The following SLC9A9 variants were observed in gnomAD, a reference collection of about 807,000 sequenced individuals.
The protein encoded by SLC9A9 is sodium/hydrogen exchanger 9.
Under a neutral mutation model 77.8 loss-of-function variants are expected in SLC9A9, and 62 were observed. The observed-to-expected ratio is 0.80, with a 90% confidence interval of 0.65 to 0.98. The LOEUF (loss-of-function observed/expected upper bound fraction) is 0.98, where lower values mean the gene tolerates loss of function less well. Ranked by LOEUF, SLC9A9 falls within the 50% of genes least tolerant of loss-of-function variation. The pLI is 0.00. For missense variants in SLC9A9, 775 were observed against 774.9 expected (o/e 1.00, Z 0.00); for synonymous variants, 320 against 283.5 (o/e 1.13, Z -1.29).
intron 5 of SLC9A9, among the ~76,000 whole-genome samples, chr3:143,656,763 A>G (rs2038896838): frequency 6.6e-6 from 1 of 152,204 alleles, no homozygotes; most frequent in South Asian, 2.1e-4. Context: ...TTTTCTGTGC[A>G]AATCACTATG....
intron 5 of SLC9A9, among the ~76,000 whole-genome samples, chr3:143,674,406 T>G (rs977183438): frequency 6.6e-6 from 1 of 152,168 alleles, no homozygotes; most frequent in African/African-American, 2.4e-5. Flanking sequence ...TGGGATTAGT[T>G]TATGAGACAT....
At chr3:143,363,658 T>A in intron 13 of SLC9A9, 95 bp from the exon 14 acceptor site, 6 of 1,151,304 alleles carry the variant, frequency 5.2e-6, no homozygotes, top group African/African-American at 3.1e-5. Flanking sequence ...TAACTACATT[T>A]AAAAAAAACC....
At chr3:143,531,610 T>TATGTGGGTG (rs1213967746) in intron 9 of SLC9A9, among the ~76,000 whole-genome samples, 32 of 152,214 alleles carry the variant, frequency 2.1e-4, no homozygotes, top group Non-Finnish European at 3.8e-4. Context: ...TATAATACAA[T>TATGTGGGTG]ATGTGGGTGT....
chr3:143,591,457 T>C (rs1037844506), intron 6 of SLC9A9, among the ~76,000 whole-genome samples: 3 of 152,256 alleles, frequency 2.0e-5, no homozygotes, highest in African/African-American at 7.2e-5. Context: ...CTTATATGTT[T>C]CTAGGCGTTG....
intron 5 of SLC9A9, among the ~76,000 whole-genome samples, chr3:143,686,637 C>A (rs1933275130): frequency 6.6e-6 from 1 of 152,066 alleles, no homozygotes; most frequent in Non-Finnish European, 1.5e-5. Context: ...TTAAGGACTC[C>A]CCTCTTTATC....
chr3:143,505,106 T>C (rs2035989571), intron 9 of SLC9A9, among the ~76,000 whole-genome samples: 1 of 152,094 alleles, frequency 6.6e-6, no homozygotes, highest in South Asian at 2.1e-4. Context: ...GGTAAATTTC[T>C]TTGTACCCAA....
chr3:143,613,366 C>T lies in SLC9A9; in HGVS notation c.756-34643G>A, dbSNP rs543336626. ...AAAGAAAATTAAGACTGTTGTGAAA[C>T]AGTCTGTGACTTTTATATGTTTAAA... On this transcript the variant is annotated intron_variant, in intron 6 of 15. Coordinates refer to ENST00000316549, the MANE Select transcript of SLC9A9 (RefSeq NM_173653.4). Among the ~76,000 whole-genome samples, 7 of 152,250 alleles carry T rather than the reference C, an allele frequency of 4.6e-5. No individual in the cohort carries two copies. The East Asian group carries it at 1.3e-3, about 29-fold the overall frequency.
At chr3:143,667,319 C>T (rs1433901503) in intron 5 of SLC9A9, among the ~76,000 whole-genome samples, 2 of 152,244 alleles carry the variant, frequency 1.3e-5, no homozygotes, top group Non-Finnish European at 1.5e-5. Flanking sequence ...ACACCTTATA[C>T]AAAAATTAAT....
intron 4 of SLC9A9, among the ~76,000 whole-genome samples, chr3:143,705,040 T>TATCTATCTATATAG (rs1553782489): frequency 1.9e-4 from 10 of 52,650 alleles, no homozygotes; most frequent in East Asian, 2.5e-4. Context: ...TCTATCTATC[T>TATCTATCTATATAG]ATATAGATAT....
chr3:143,709,171 A>G (rs953482293), intron 4 of SLC9A9, among the ~76,000 whole-genome samples: 7 of 152,214 alleles, frequency 4.6e-5, no homozygotes, highest in Admixed American at 4.6e-4. Context: ...GCTATATTGT[A>G]TAATTTAGTG....
At chr3:143,611,467 C>T (rs950225945) in intron 6 of SLC9A9, among the ~76,000 whole-genome samples, 1 of 152,090 alleles carries the variant, frequency 6.6e-6, no homozygotes, top group Non-Finnish European at 1.5e-5. Context: ...ATACCAGACA[C>T]ATTATTGTGA....
chr3:143,827,807 AC>A (rs1343628549), intron 2 of SLC9A9, among the ~76,000 whole-genome samples: 1 of 152,256 alleles, frequency 6.6e-6, no homozygotes, highest in African/African-American at 2.4e-5. Context: ...ACTTTTAGAA[AC>A]AAAGGCAAAA....
chr3:143,297,530 T>C (rs1278032862), intron 14 of SLC9A9, among the ~76,000 whole-genome samples: 1 of 152,224 alleles, frequency 6.6e-6, no homozygotes, highest in African/African-American at 2.4e-5. Flanking sequence ...TCTTTTGTGG[T>C]TCCATATGAA....
rs539746883 is a variant in SLC9A9 at position 143,596,069 on chromosome 3, C to T, written c.756-17346G>A. 5.3e-5 allele frequency among the ~76,000 whole-genome samples: 8 copies of T among 152,152 alleles called. No homozygotes were observed. In the East Asian group the frequency reaches 5.8e-4, roughly 11 times the overall value. ...TATAGCCTAGGGCAAAAACTTTCTC[C>T]GTGGGCTTCTCTATGTCGTCTGAGT... On this transcript the variant is annotated intron_variant, in intron 6 of 15. Transcript: ENST00000316549.
chr3:143,663,942 A>G (rs1259029340), intron 5 of SLC9A9, among the ~76,000 whole-genome samples: 1 of 152,190 alleles, frequency 6.6e-6, no homozygotes, highest in East Asian at 1.9e-4. Flanking sequence ...CCAGTCTAGC[A>G]AGGCAGGCCA....
intron 5 of SLC9A9, among the ~76,000 whole-genome samples, chr3:143,691,334 G>T (rs1042143140): frequency 1.9e-4 from 29 of 151,946 alleles, no homozygotes; most frequent in Admixed American, 1.8e-3. Context: ...CCTCCCATAG[G>T]GTTGGGTTTA....
intron 5 of SLC9A9, among the ~76,000 whole-genome samples, chr3:143,675,165 A>G (rs2039218027): frequency 6.6e-6 from 1 of 152,218 alleles, no homozygotes. Flanking sequence ...TATTAGGCAA[A>G]TAAGGCCTAG....
chr3:143,659,254 TCACCAAAAAAAATCAAA>T (rs554664977), intron 5 of SLC9A9, among the ~76,000 whole-genome samples: 51 of 151,904 alleles, frequency 3.4e-4, no homozygotes, highest in African/African-American at 1.2e-3. Context: ...TTAGGATGGG[TCACCAAAAAAAATCAAA>T]CACCAAAAAA....
chr3:143,268,424 T>TGA (rs1300189771), intron 15 of SLC9A9, among the ~76,000 whole-genome samples: 3 of 152,092 alleles, frequency 2.0e-5, no homozygotes, highest in Non-Finnish European at 4.4e-5. Flanking sequence ...CCTAGTGCAG[T>TGA]GAATTTTTAA....
Sources: gnomAD v4.1 joint callset for allele counts (sites outside exome capture counted in the v4.1 genomes callset) on GRCh38, gnomAD v4.1.1 for gene constraint, MANE v1.5 for transcripts, NCBI Gene and HGNC (gene_info 2026-07-23, HGNC 2026-07-21) for gene names.